TADA1: variants seen among roughly 807,000 people sequenced by gnomAD.
TADA1 encodes the protein transcriptional adapter 1.
TADA1 carries 23 observed loss-of-function variants against 39.3 expected under a neutral mutation model. The ratio of observed to expected loss-of-function variants is 0.58; its 90% CI spans 0.42 to 0.83. The LOEUF (loss-of-function observed/expected upper bound fraction) is 0.83, where lower values mean the gene tolerates loss of function less well. Ranked by LOEUF, TADA1 falls within the 40% of genes least tolerant of loss-of-function variation. The pLI, the probability that TADA1 is intolerant of heterozygous loss-of-function variation, is 0.00. For synonymous variants in TADA1, 137 were observed against 151.8 expected, an observed-to-expected ratio of 0.90 and a Z score of 0.72; for missense variants, 352 against 408.1, an observed-to-expected ratio of 0.86 and a Z score of 1.18.
Position 166,857,602 on chromosome 1 carries a change from G to A in TADA1, c.973C>T (p.Arg325Cys), listed in dbSNP as rs200689473. 35 of 1,614,050 alleles carry A rather than the reference G, an allele frequency of 2.2e-5. No individual in the cohort carries two copies. The highest frequency in any genetic ancestry group is 2.2e-5 in the East Asian group (1 of 44,890). The change falls in exon 8 of 8, where the codon CGC (arginine) becomes TGC (cysteine). Residue 325 changes from arginine (R) to cysteine (C), a missense_variant. By Grantham distance (180) the Arg-to-Cys change is radical. This residue lies in a region of TADA1 where 285 missense variants were observed against 310.9 expected (regional missense o/e 0.92). Coordinates refer to ENST00000367874, the MANE Select transcript of TADA1 (RefSeq NM_053053.4). The part of the protein sequence containing the change: ...ELQQDKVHRQ[R>C]LAAKEGLLLC ...AAAAGCCCCTCCTTGGCTGCCAAGC[G>A]CTGGCGGTGAACTTTGTCTTGCTGC... is the stretch of plus-strand genomic sequence containing the variant.
intron 3 of TADA1, among the ~76,000 whole-genome samples, chr1:166,864,879 T>C (rs1405797278): frequency 6.6e-6 from 1 of 152,154 alleles, no homozygotes; most frequent in East Asian, 1.9e-4. Flanking sequence ...CTAAGGTAGC[T>C]GGTATGGATG....
At chr1:166,863,273 T>G (rs188168788) in intron 4 of TADA1, 1 of 153,070 alleles carries the variant, frequency 6.5e-6, no homozygotes, top group African/African-American at 2.4e-5. Flanking sequence ...AAATAAATAA[T>G]TGTTTATTGA....
intron 1 of TADA1, among the ~76,000 whole-genome samples, chr1:166,871,143 A>G (rs545257182): frequency 6.6e-6 from 1 of 152,358 alleles, no homozygotes; most frequent in South Asian, 2.1e-4. Context: ...TAGTTTTTAA[A>G]GTGAAAATCA....
At chr1:166,870,033 G>A (rs571559910) in intron 1 of TADA1, among the ~76,000 whole-genome samples, 179 bp from the exon 2 acceptor site, 3 of 152,222 alleles carry the variant, frequency 2.0e-5, no homozygotes, top group Admixed American at 1.3e-4. Context: ...AGCCCCCTGA[G>A]TAGCTGGGAC....
chr1:166,858,404 A>G (rs1324241189), intron 6 of TADA1, 123 bp from the exon 7 acceptor site: 4 of 612,650 alleles, frequency 6.5e-6, no homozygotes, highest in African/African-American at 3.9e-5. Flanking sequence ...TTCAATGTCT[A>G]CTCCTGTAGA....
intron 3 of TADA1, among the ~76,000 whole-genome samples, chr1:166,865,054 T>C (rs1057501118): frequency 2.0e-5 from 3 of 151,752 alleles, no homozygotes; most frequent in African/African-American, 7.3e-5. Flanking sequence ...TTTGACAATA[T>C]TCTTTCACAT....
At chr1:166,866,192 C>A (rs114503964) in intron 3 of TADA1, among the ~76,000 whole-genome samples, 1 of 152,218 alleles carries the variant, frequency 6.6e-6, no homozygotes, top group Non-Finnish European at 1.5e-5. Context: ...AAGCGAAGCA[C>A]GCTAAGGCCT....
chr1:166,863,098 T>C (rs1303704411), intron 4 of TADA1: 1 of 152,522 alleles, frequency 6.6e-6, no homozygotes, highest in Admixed American at 6.5e-5. Flanking sequence ...GAAGATGGTT[T>C]GTCCCTGTTT....
At chr1:166,861,715 C>A (rs1658419395) in intron 5 of TADA1, among the ~76,000 whole-genome samples, 1 of 152,194 alleles carries the variant, frequency 6.6e-6, no homozygotes, top group Non-Finnish European at 1.5e-5. Flanking sequence ...AGTCTATTAA[C>A]TGAAGACAAC....
chr1:166,865,662 AAAAAAT>A (rs1228739173), intron 3 of TADA1, among the ~76,000 whole-genome samples: 1 of 151,686 alleles, frequency 6.6e-6, no homozygotes, highest in Non-Finnish European at 1.5e-5. Context: ...AAATACAAAA[AAAAAAT>A]ATTAGCCGGG....
intron 1 of TADA1, among the ~76,000 whole-genome samples, chr1:166,874,499 A>G (rs963943598): frequency 2.0e-5 from 3 of 152,186 alleles, no homozygotes; most frequent in Non-Finnish European, 4.4e-5. Flanking sequence ...TCGGTGGTAC[A>G]CTATAGTCGG....
chr1:166,873,037 G>A (rs1385003388), intron 1 of TADA1, among the ~76,000 whole-genome samples: 1 of 152,128 alleles, frequency 6.6e-6, no homozygotes, highest in African/African-American at 2.4e-5. Context: ...GGGAGCCCAA[G>A]GGGGATGTGG....
chr1:166,858,810 G>C (rs1658343728), intron 6 of TADA1, among the ~76,000 whole-genome samples: 2 of 152,198 alleles, frequency 1.3e-5, no homozygotes, highest in South Asian at 4.1e-4. Context: ...CGTATCTAGA[G>C]GTAAAACAAA....
intron 5 of TADA1, among the ~76,000 whole-genome samples, chr1:166,861,202 G>T (rs1049900855): frequency 6.6e-6 from 1 of 152,174 alleles, no homozygotes; most frequent in Non-Finnish European, 1.5e-5. Flanking sequence ...AAAATAGAGT[G>T]ACAGAACTCG....
Position 166,857,701 on chromosome 1 carries a change from G to A in TADA1, c.874C>T (p.Pro292Ser), listed in dbSNP as rs1322285684. The change falls in exon 8 of 8, where the codon CCT becomes TCT. Residue 292 changes from proline to serine, a missense_variant. Transcript: ENST00000367874. ...EALQVHREVI[P>S]THTVYALNIE... ...TTAAGAGCATAGACAGTATGTGTAG[G>A]GATGACTTCCCTGTGCACCTGGGAT... The A allele has an allele frequency of 2.5e-6, 4 of 1,613,106 alleles. No homozygotes were observed. The Admixed American group carries it at 5.0e-5, about 20-fold the overall frequency.
intron 4 of TADA1, 136 bp downstream of exon 4, chr1:166,863,688 G>T: frequency 1.3e-6 from 1 of 775,920 alleles, no homozygotes; most frequent in Non-Finnish European, 2.1e-6. Context: ...TCCTTGAAAC[G>T]CTTTTCTTCC....
At chr1:166,859,106 T>C (rs1419693176) in intron 6 of TADA1, among the ~76,000 whole-genome samples, 1 of 152,228 alleles carries the variant, frequency 6.6e-6, no homozygotes, top group Non-Finnish European at 1.5e-5. Flanking sequence ...TCACCACATA[T>C]GGCAATCTAA....
At chr1:166,872,466 G>A (rs944554900) in intron 1 of TADA1, among the ~76,000 whole-genome samples, 1 of 152,170 alleles carries the variant, frequency 6.6e-6, no homozygotes, top group African/African-American at 2.4e-5. Context: ...GAGGTCAGGA[G>A]TTTGAGACCA....
intron 1 of TADA1, among the ~76,000 whole-genome samples, chr1:166,871,925 T>C (rs1428081080): frequency 2.6e-5 from 4 of 152,212 alleles, no homozygotes; most frequent in Non-Finnish European, 4.4e-5. Context: ...CAAATGTATA[T>C]TTGGAAAGAG....
Sources: allele counts gnomAD v4.1 joint callset (sites outside exome capture counted in the v4.1 genomes callset), GRCh38; gene constraint gnomAD v4.1.1; regional missense constraint gnomAD v4.1.1; transcripts MANE v1.5; gene names NCBI Gene and HGNC (gene_info 2026-07-23, HGNC 2026-07-21).